Variants in SRBD1 observed in about 807,000 individuals in gnomAD.
SRBD1 encodes S1 RNA binding domain 1, also known as S1 RNA-binding domain-containing protein 1.
Under a neutral mutation model 115.3 loss-of-function variants are expected in SRBD1, and 88 were observed. That is an observed-to-expected ratio of 0.76 (90% CI 0.64 to 0.91). SRBD1 has a LOEUF of 0.91. Among genes scored for constraint, SRBD1 ranks in the 40% least tolerant of loss-of-function variants. The pLI is 0.00. For synonymous variants in SRBD1, 509 were observed against 407.7 expected, an observed-to-expected ratio of 1.25 and a Z score of -2.99; for missense variants, 1,385 against 1,177.4, an observed-to-expected ratio of 1.18 and a Z score of -2.58.
rs1667658278 is a variant in SRBD1, at chr2:45,413,240, G to C, written c.2387C>G (p.Ala796Gly). The stretch of plus-strand genomic sequence containing the variant: ...CTTCTCATTTGTGACCTCAACGTCT[G>C]CTGAAGATGTCACAGCAACTCCTTG... ...QIQGVAVTSSADVEVTNEKQG... is the reference protein window; with the variant it reads ...QIQGVAVTSSGDVEVTNEKQG... The change falls in exon 19 of 21, where the codon GCA becomes GGA. Residue 796 changes from alanine to glycine, a missense_variant. Physicochemically the swap from Ala to Gly is moderately conservative, Grantham distance 60. Coordinates refer to ENST00000263736, the MANE Select transcript of SRBD1 (RefSeq NM_018079.5). 9 of 1,614,034 alleles carry C rather than the reference G, an allele frequency of 5.6e-6. No homozygotes were observed. Among genetic ancestry groups the C allele is most frequent in the Non-Finnish European group, 7.6e-6 (9 of 1,179,978 alleles).
chr2:45,561,775 TC>T, intron 10 of SRBD1, among the ~76,000 whole-genome samples: 1 of 152,288 alleles, frequency 6.6e-6, no homozygotes. Flanking sequence ...TTTAAAAGGC[TC>T]CCTTAACAAA....
chr2:45,550,199 A>G (rs1672252559), intron 12 of SRBD1, among the ~76,000 whole-genome samples: 1 of 152,146 alleles, frequency 6.6e-6, no homozygotes, highest in Admixed American at 6.5e-5. Context: ...TAATTAACTT[A>G]GATGATCAAC....
chr2:45,534,801 T>G (rs1671717564), intron 14 of SRBD1, among the ~76,000 whole-genome samples: 1 of 151,940 alleles, frequency 6.6e-6, no homozygotes, highest in Non-Finnish European at 1.5e-5. Context: ...GATCTTAAGT[T>G]ATATAGCTAA....
intron 4 of SRBD1, among the ~76,000 whole-genome samples, chr2:45,586,245 C>G (rs1673517782): frequency 6.6e-6 from 1 of 152,136 alleles, no homozygotes; most frequent in Admixed American, 6.5e-5. Context: ...ATATACATGC[C>G]TCTAGAAAAT....
At chr2:45,443,478 C>T (rs1414054339) in intron 16 of SRBD1, among the ~76,000 whole-genome samples, 2 of 151,814 alleles carry the variant, frequency 1.3e-5, no homozygotes, top group African/African-American at 2.4e-5. Flanking sequence ...AGTGGAGGGA[C>T]GTCAACAGTT....
chr2:45,466,395 A>T (rs1669491831), intron 16 of SRBD1, among the ~76,000 whole-genome samples: 1 of 152,006 alleles, frequency 6.6e-6, no homozygotes, highest in Non-Finnish European at 1.5e-5. Context: ...CAGCATATTC[A>T]ACTTCTCACT....
rs145227399 is a variant in SRBD1, at chr2:45,506,898, G to A, written c.1875-18567C>T. 3.6e-3 allele frequency among the ~76,000 whole-genome samples: 549 copies of A among 152,220 alleles called. 5 individuals are homozygous for A. The highest frequency in any genetic ancestry group is 0.012 in the African/African-American group (506 of 41,552). ...CCAGTTCTTTAAAACAAGTCATTTT[G>A]ATATGATTTCCATGTCTGCTGTCTT... On this transcript the variant is annotated intron_variant, in intron 14 of 20. Transcript: ENST00000263736.
chr2:45,453,408 T>G (rs1224630236), intron 16 of SRBD1, among the ~76,000 whole-genome samples: 4 of 151,946 alleles, frequency 2.6e-5, no homozygotes, highest in Admixed American at 2.6e-4. Context: ...TTCTCTCCAT[T>G]CCTTAAGTAC....
intron 16 of SRBD1, among the ~76,000 whole-genome samples, chr2:45,475,176 A>G (rs769796635): frequency 2.6e-5 from 4 of 152,188 alleles, no homozygotes; most frequent in Non-Finnish European, 4.4e-5. Context: ...CATCATCCAC[A>G]TATCAGAACC....
chr2:45,469,495 AT>A (rs1223396153), intron 16 of SRBD1, among the ~76,000 whole-genome samples: 1 of 152,200 alleles, frequency 6.6e-6, no homozygotes, highest in East Asian at 1.9e-4. Context: ...TCTTCAAATC[AT>A]GCTATCATTT....
At chr2:45,453,899 G>A (rs373440262) in intron 16 of SRBD1, among the ~76,000 whole-genome samples, 2 of 151,910 alleles carry the variant, frequency 1.3e-5, no homozygotes, top group African/African-American at 4.8e-5. Context: ...AACTTTAGTA[G>A]GACAAATGTG....
chr2:45,508,376 A>G (rs1380481231), intron 14 of SRBD1, among the ~76,000 whole-genome samples: 1 of 152,206 alleles, frequency 6.6e-6, no homozygotes, highest in South Asian at 2.1e-4. Flanking sequence ...ACTATACACA[A>G]TGGCTGAAGA....
intron 15 of SRBD1, among the ~76,000 whole-genome samples, chr2:45,480,149 T>A (rs1669916630): frequency 6.6e-6 from 1 of 152,190 alleles, no homozygotes; most frequent in African/African-American, 2.4e-5. Context: ...AGAGCTCTGA[T>A]GGAGATGTAC....
At chr2:45,417,055 C>G (rs1178710018) in intron 18 of SRBD1, among the ~76,000 whole-genome samples, 1 of 152,098 alleles carries the variant, frequency 6.6e-6, no homozygotes, top group Non-Finnish European at 1.5e-5. Context: ...GTTTTCTAAC[C>G]AAGTGTTCAA....
At chr2:45,442,541 T>C (rs980622308) in intron 16 of SRBD1, among the ~76,000 whole-genome samples, 3 of 152,180 alleles carry the variant, frequency 2.0e-5, no homozygotes, top group Admixed American at 6.5e-5. Context: ...TTCTGGAATT[T>C]AGAAAAGAGA....
chr2:45,439,842 G>A (rs1668607006), intron 16 of SRBD1, among the ~76,000 whole-genome samples: 1 of 151,498 alleles, frequency 6.6e-6, no homozygotes, highest in African/African-American at 2.4e-5. Flanking sequence ...TTTCTAACCT[G>A]GTAGGCCAGA....
intron 5 of SRBD1, among the ~76,000 whole-genome samples, chr2:45,585,087 T>A (rs1673476785): frequency 6.6e-6 from 1 of 151,676 alleles, no homozygotes; most frequent in Non-Finnish European, 1.5e-5. Flanking sequence ...GATACAGAGA[T>A]TGTAGTGAGC....
At chr2:45,436,149 G>GA (rs199779582) in intron 16 of SRBD1, among the ~76,000 whole-genome samples, 36 of 147,222 alleles carry the variant, frequency 2.4e-4, no homozygotes, top group East Asian at 1.2e-3. Context: ...AGCTAAAAAA[G>GA]AAAAAAAAAA....
intron 16 of SRBD1, among the ~76,000 whole-genome samples, chr2:45,450,767 A>C (rs1668968606): frequency 6.6e-6 from 1 of 152,136 alleles, no homozygotes; most frequent in Non-Finnish European, 1.5e-5. Flanking sequence ...AGCACTATTA[A>C]ATTCAGATGC....
Sources: allele counts gnomAD v4.1 joint callset (sites outside exome capture counted in the v4.1 genomes callset), GRCh38; gene constraint gnomAD v4.1.1; transcripts MANE v1.5; gene names NCBI Gene and HGNC (gene_info 2026-07-23, HGNC 2026-07-21).